ANKFN1: variants seen among roughly 807,000 people sequenced by gnomAD.
ANKFN1 encodes ankyrin repeat and fibronectin type-III domain-containing protein 1.
ANKFN1 carries 74 observed loss-of-function variants against 108.7 expected under a neutral mutation model. The ratio of observed to expected loss-of-function variants is 0.68; its 90% CI spans 0.56 to 0.83. ANKFN1 has a LOEUF of 0.83. Ranked by LOEUF, ANKFN1 falls within the 40% of genes least tolerant of loss-of-function variation. The pLI, the probability that ANKFN1 is intolerant of heterozygous loss-of-function variation, is 0.00. For missense variants in ANKFN1, 1,505 were observed against 1,382.3 expected (o/e 1.09, Z -1.41); for synonymous variants, 547 against 516.2 (o/e 1.06, Z -0.81).
Position 56,512,010 on chromosome 17 carries a change from C to G in ANKFN1, c.*741C>G, listed in dbSNP as rs1034860282. 6.6e-6 allele frequency among the ~76,000 whole-genome samples: 1 copy of G among 152,170 alleles called. No individual in the cohort carries two copies. The highest frequency in any genetic ancestry group is 6.5e-5 in the Admixed American group (1 of 15,288). Reference sequence around the variant, plus strand: ...AAAGTAGCCCTTCCTGTATACTCAGCTCCCATCCAAGCATGAAAATGATCC... The same window carrying G: ...AAAGTAGCCCTTCCTGTATACTCAGGTCCCATCCAAGCATGAAAATGATCC... On this transcript the variant is annotated 3_prime_UTR_variant, in exon 21 of 21. Coordinates refer to ENST00000682825, the MANE Select transcript of ANKFN1 (RefSeq NM_001370326.1).
rs150297516 is a variant in ANKFN1, at chr17:56,356,949, C to A, written c.601+2903C>A. Among the ~76,000 whole-genome samples the A allele has an allele frequency of 1.2e-3, 188 of 152,286 alleles. 2 individuals are homozygous for A. In the East Asian group the frequency reaches 0.031, roughly 25 times the overall value. On this transcript the variant is annotated intron_variant, in intron 6 of 20. Coordinates refer to ENST00000682825, the MANE Select transcript of ANKFN1 (RefSeq NM_001370326.1). ...CATTTTCTGTGAAAACAGTAAGACT[C>A]CCTACCTCCCAAAGCCCCCTGTGCA...
chr17:56,495,906 C>T lies in ANKFN1; in HGVS notation c.2428-2976C>T, dbSNP rs78347849. Among the ~76,000 whole-genome samples the T allele has an allele frequency of 4.8e-4, 73 of 152,054 alleles. 1 individual carries two copies. The highest frequency in any genetic ancestry group is 1.6e-3 in the African/African-American group (68 of 41,466). ...AGTAAAGAGAAAGGAATATAATTTA[C>T]GAGATGAAAACTGAAATTTTTAAGG... On this transcript the variant is annotated intron_variant, in intron 19 of 20. Transcript: ENST00000682825.
At chr17:56,458,399 A>C (rs967025350) in intron 14 of ANKFN1, among the ~76,000 whole-genome samples, 2 of 152,160 alleles carry the variant, frequency 1.3e-5, no homozygotes, top group Admixed American at 6.5e-5. Context: ...TGAAGATGGA[A>C]AAAAGAGACG....
intron 3 of ANKFN1, among the ~76,000 whole-genome samples, chr17:56,285,185 G>T (rs914920062): frequency 2.0e-5 from 3 of 152,098 alleles, no homozygotes; most frequent in Non-Finnish European, 4.4e-5. Flanking sequence ...TGACAGCAGG[G>T]GTGCGGTTGG....
At chr17:56,403,547 T>C (rs1598539737) in intron 8 of ANKFN1, among the ~76,000 whole-genome samples, 2 of 152,252 alleles carry the variant, frequency 1.3e-5, no homozygotes, top group African/African-American at 4.8e-5. Flanking sequence ...GTTTACCTTA[T>C]GTGTTAGGTG....
chr17:56,295,731 G>A (rs1432149753), intron 3 of ANKFN1, among the ~76,000 whole-genome samples: 3 of 152,202 alleles, frequency 2.0e-5, no homozygotes, highest in Non-Finnish European at 4.4e-5. Context: ...TCTAGAGGCT[G>A]GGAAGTACAA....
chr17:56,497,462 T>C (rs2051235589), intron 19 of ANKFN1, among the ~76,000 whole-genome samples: 2 of 152,176 alleles, frequency 1.3e-5, no homozygotes, highest in South Asian at 4.1e-4. Flanking sequence ...TAGTTCACTC[T>C]AGCTAGCTTT....
intron 17 of ANKFN1, 120 bp from the exon 18 acceptor site, chr17:56,482,236 T>A: frequency 1.1e-6 from 1 of 907,372 alleles, no homozygotes. Flanking sequence ...TTATGTTGTA[T>A]AAAAATTCCA....
intron 4 of ANKFN1, among the ~76,000 whole-genome samples, chr17:56,094,809 A>C (rs948329947): frequency 6.7e-6 from 1 of 150,134 alleles, no homozygotes; most frequent in African/African-American, 2.4e-5. Context: ...CATGAGCCAT[A>C]GCGCCCAGCC....
At chr17:56,280,582 G>T (rs1358221740) in intron 3 of ANKFN1, among the ~76,000 whole-genome samples, 1 of 152,054 alleles carries the variant, frequency 6.6e-6, no homozygotes, top group Admixed American at 6.6e-5. Flanking sequence ...ATGGCATATT[G>T]TGGGACTTCT....
chr17:56,218,346 C>G (rs1241842058), intron 2 of ANKFN1, among the ~76,000 whole-genome samples: 1 of 152,088 alleles, frequency 6.6e-6, no homozygotes, highest in Non-Finnish European at 1.5e-5. Flanking sequence ...CCATGCTGTA[C>G]AAATCCATTC....
chr17:56,181,253 T>A (rs534461463), intron 1 of ANKFN1, among the ~76,000 whole-genome samples: 42 of 152,350 alleles, frequency 2.8e-4, no homozygotes, highest in Middle Eastern at 6.8e-3. Flanking sequence ...TACATATTTT[T>A]AAAATTCTTT....
chr17:56,093,956 A>C lies in ANKFN1; in HGVS notation c.288+47631A>C, dbSNP rs909756474. Among the ~76,000 whole-genome samples the C allele has an allele frequency of 1.2e-4, 18 of 151,348 alleles. 1 individual carries two copies. Among genetic ancestry groups the C allele is most frequent in the Admixed American group, 4.6e-4 (7 of 15,158 alleles). The stretch of plus-strand genomic sequence containing the variant: ...AGAAGTAATGAATTTAAAGTGAAGT[A>C]ATCGGGTAAGTCCTCATCCATTATA... On this transcript the variant is annotated intron_variant, in intron 4 of 12. Coordinates refer to the ANKFN1 transcript ENST00000635860.
intron 19 of ANKFN1, among the ~76,000 whole-genome samples, chr17:56,496,249 C>G (rs1410868877): frequency 6.6e-6 from 1 of 152,098 alleles, no homozygotes; most frequent in African/African-American, 2.4e-5. Context: ...ATTGTTTCTA[C>G]ATACTTTTAA....
chr17:56,337,416 A>G (rs1484422800), intron 4 of ANKFN1, among the ~76,000 whole-genome samples: 2 of 152,170 alleles, frequency 1.3e-5, no homozygotes, highest in East Asian at 3.8e-4. Flanking sequence ...CAAGGACTTC[A>G]TGACTAAAAC....
chr17:56,061,760 G>A (rs1489839672), intron 4 of ANKFN1, among the ~76,000 whole-genome samples: 2 of 152,134 alleles, frequency 1.3e-5, no homozygotes, highest in Non-Finnish European at 2.9e-5. Flanking sequence ...ATCTCCTTCA[G>A]TTCTGCTCTG....
At position 56,105,436 on chromosome 17, in the gene ANKFN1, G is replaced by A. The variant is rs530626957; in HGVS notation, c.288+59111G>A. On this transcript the variant is annotated intron_variant, in intron 4 of 12. Coordinates refer to the ANKFN1 transcript ENST00000635860. ...TTTATGGAACAATTCAGTGCCTTTGGATGAAATTGTTCCCTCTCTCTCTCA... is the reference window on the plus strand; with the variant it reads ...TTTATGGAACAATTCAGTGCCTTTGAATGAAATTGTTCCCTCTCTCTCTCA... Among the ~76,000 whole-genome samples, 8 of 152,090 alleles carry A rather than the reference G, an allele frequency of 5.3e-5. No homozygotes were observed. The South Asian group carries it at 1.7e-3, about 32-fold the overall frequency.
At chr17:56,064,729 CA>C (rs1416814298) in intron 4 of ANKFN1, among the ~76,000 whole-genome samples, 7 of 152,254 alleles carry the variant, frequency 4.6e-5, no homozygotes, top group Non-Finnish European at 1.0e-4. Context: ...AGACAGCAGG[CA>C]GCCGCAGCTG....
In ANKFN1 at chr17:56,510,661, G is replaced by A. The variant is rs779746862; in HGVS notation, c.2833G>A (p.Val945Met). 8.3e-5 allele frequency: 127 copies of A among 1,536,050 alleles called. 1 individual carries two copies. The African/African-American group carries it at 9.4e-4, about 11-fold the overall frequency. ...CCCCGACGTCCTGCAAGTGCACGAC[G>A]TGAAAACCCCTCTGGGGCCGGGCCA... The part of the protein sequence containing the change: ...SAPDVLQVHD[V>M]KTPLGPGQDP... The change falls in exon 21 of 21, where the codon GTG becomes ATG. Residue 945 changes from valine (V) to methionine (M), a missense_variant. Coordinates refer to ENST00000682825, the MANE Select transcript of ANKFN1 (RefSeq NM_001370326.1).
Sources: gnomAD v4.1 joint callset for allele counts (sites outside exome capture counted in the v4.1 genomes callset) on GRCh38, gnomAD v4.1.1 for gene constraint, MANE v1.5 for transcripts, NCBI Gene and HGNC (gene_info 2026-07-23, HGNC 2026-07-21) for gene names.